THSD7A: variants seen among roughly 807,000 people sequenced by gnomAD.
THSD7A encodes thrombospondin type-1 domain-containing protein 7A.
A neutral mutation model predicts 231.3 loss-of-function variants in THSD7A; 96 were observed. The observed-to-expected ratio is 0.41, with a 90% CI of 0.35 to 0.49. The LOEUF (loss-of-function observed/expected upper bound fraction) is 0.49, where lower values mean the gene tolerates loss of function less well. Among genes scored for constraint, THSD7A ranks in the 20% least tolerant of loss-of-function variants. The probability of loss-of-function intolerance (pLI) is 0.05; values close to 1 mark genes in which losing one functional copy is unlikely to be tolerated. For synonymous variants in THSD7A, 940 were observed against 743.3 expected (o/e 1.26, Z -4.30); for missense variants, 2,290 against 2,070.2 (o/e 1.11, Z -2.06).
intron 4 of THSD7A, among the ~76,000 whole-genome samples, chr7:11,587,732 T>C (rs1006864001): frequency 1.6e-4 from 24 of 152,314 alleles, no homozygotes; most frequent in African/African-American, 5.8e-4. Context: ...AATATACCAA[T>C]GAGTAAAAAA....
At chr7:11,426,811 T>A in intron 14 of THSD7A, 140 bp from the exon 15 acceptor site, 1 of 807,454 alleles carries the variant, frequency 1.2e-6, no homozygotes, top group Non-Finnish European at 1.8e-6. Context: ...GGTAAAATAT[T>A]AGAACATTTT....
intron 1 of THSD7A, among the ~76,000 whole-genome samples, chr7:11,690,093 T>C (rs1780187938): frequency 6.6e-6 from 1 of 151,908 alleles, no homozygotes; most frequent in South Asian, 2.1e-4. Flanking sequence ...GCTAAGTATA[T>C]TTTTATCCAT....
Position 11,703,862 on chromosome 7 carries a change from C to T in THSD7A, c.191-66901G>A, listed in dbSNP as rs770235263. 2.6e-4 allele frequency among the ~76,000 whole-genome samples: 39 copies of T among 151,060 alleles called. 1 individual carries two copies. Among genetic ancestry groups the T allele is most frequent in the Admixed American group, 5.3e-4 (8 of 15,118 alleles). ...GAGCAAAGCTAGAAGATCAGAGAAG[C>T]TTCAGTTAAAGACATCCCCTCTATC... On this transcript the variant is annotated intron_variant, in intron 1 of 27. Transcript: ENST00000423059.
At chr7:11,569,435 A>T (rs1471585933) in intron 4 of THSD7A, among the ~76,000 whole-genome samples, 2 of 152,214 alleles carry the variant, frequency 1.3e-5, no homozygotes, top group Non-Finnish European at 2.9e-5. Context: ...AATGCTTGAC[A>T]TCACTACTCA....
chr7:11,767,223 C>A (rs913536145), intron 1 of THSD7A, among the ~76,000 whole-genome samples: 15 of 152,100 alleles, frequency 9.9e-5, no homozygotes, highest in Non-Finnish European at 1.3e-4. Context: ...AATATCAGAA[C>A]ATATTATTCC....
rs1781702352 is a variant in THSD7A at position 11,632,817 on chromosome 7, T to G, written c.1022+3313A>C. On this transcript the variant is annotated intron_variant, in intron 2 of 27. Transcript: ENST00000423059. This position sits in a 1 kb window ranked among gnomAD's most constrained non-coding sequence, Gnocchi z 4.1. ...GAATATTAGTCTTGTACAATTTCGA[T>G]GTGTGAATCAAGGTCTTCTTTTAAT... Among the ~76,000 whole-genome samples the G allele has an allele frequency of 6.6e-6, 1 of 152,200 alleles. No individual in the cohort carries two copies. Among genetic ancestry groups the G allele is most frequent in the Non-Finnish European group, 1.5e-5 (1 of 68,028 alleles).
chr7:11,766,159 C>T (rs1024057211), intron 1 of THSD7A, among the ~76,000 whole-genome samples: 4 of 152,086 alleles, frequency 2.6e-5, no homozygotes, highest in African/African-American at 4.8e-5. Flanking sequence ...CCTGGTGAAC[C>T]TTTTCAAGAT....
chr7:11,405,070 C>A (rs1262549702), intron 22 of THSD7A, among the ~76,000 whole-genome samples: 2 of 151,774 alleles, frequency 1.3e-5, no homozygotes, highest in East Asian at 3.9e-4. Context: ...CAAAATAACC[C>A]CTATCAGGGT....
chr7:11,774,918 G>C (rs945151935), intron 1 of THSD7A, among the ~76,000 whole-genome samples: 1 of 152,154 alleles, frequency 6.6e-6, no homozygotes, highest in African/African-American at 2.4e-5. Flanking sequence ...AGCTGTGCGT[G>C]GTGGCATGTG....
chr7:11,393,409 C>A (rs56008454), intron 23 of THSD7A, among the ~76,000 whole-genome samples: 2,532 of 152,286 alleles, frequency 0.017, 32 homozygotes, highest in South Asian at 0.045. Flanking sequence ...CGAGGAAAAA[C>A]CAGCACAAAA....
intron 1 of THSD7A, among the ~76,000 whole-genome samples, chr7:11,790,325 T>C (rs1057215194): frequency 7.2e-5 from 11 of 151,954 alleles, no homozygotes; most frequent in Non-Finnish European, 1.5e-4. Flanking sequence ...TATACTCTAT[T>C]TTGCAACATT....
chr7:11,395,014 C>G (rs796995370), intron 23 of THSD7A, among the ~76,000 whole-genome samples: 29 of 152,218 alleles, frequency 1.9e-4, no homozygotes, highest in African/African-American at 6.7e-4. Flanking sequence ...TTAAAAGACA[C>G]AGACTGGCAA....
At chr7:11,386,535 T>A (rs934138018) in intron 23 of THSD7A, among the ~76,000 whole-genome samples, 1 of 152,254 alleles carries the variant, frequency 6.6e-6, no homozygotes, top group African/African-American at 2.4e-5. Flanking sequence ...CTCATTCATA[T>A]TCTTTGCTCA....
intron 4 of THSD7A, among the ~76,000 whole-genome samples, chr7:11,567,893 T>C (rs1790432265): frequency 6.6e-6 from 1 of 152,196 alleles, no homozygotes; most frequent in Non-Finnish European, 1.5e-5. Flanking sequence ...TTAAAAAATG[T>C]TCTCCTTATA....
intron 18 of THSD7A, among the ~76,000 whole-genome samples, chr7:11,412,022 T>C (rs1049719158): frequency 6.6e-6 from 1 of 152,148 alleles, no homozygotes; most frequent in East Asian, 1.9e-4. Flanking sequence ...TGAAAATTAC[T>C]TGGGAAAAAT....
chr7:11,444,574 G>A lies in THSD7A; in HGVS notation c.3064+1487C>T, dbSNP rs775673380. 7.2e-5 allele frequency among the ~76,000 whole-genome samples: 11 copies of A among 151,958 alleles called. No individual in the cohort carries two copies. The highest frequency in any genetic ancestry group is 1.9e-4 in the East Asian group (1 of 5,174). Reference sequence around the variant, plus strand: ...CAATAAGAACACATGGGCACAGGGAGGGGAACATCACACACCGGGGTCTGT... The same window carrying A: ...CAATAAGAACACATGGGCACAGGGAAGGGAACATCACACACCGGGGTCTGT... On this transcript the variant is annotated intron_variant, in intron 13 of 27. Coordinates refer to ENST00000423059, the MANE Select transcript of THSD7A (RefSeq NM_015204.3). The surrounding 1 kb of genome is among the most constrained non-coding windows in gnomAD (Gnocchi z 4.2).
At position 11,382,572 on chromosome 7, in the gene THSD7A, C is replaced by G. The variant is rs767049106; in HGVS notation, c.4456G>C (p.Gly1486Arg). The G allele has an allele frequency of 1.9e-6, 3 of 1,612,920 alleles. No individual in the cohort carries two copies. In the East Asian group the frequency reaches 6.7e-5, roughly 36 times the overall value. ...TGACACCACACTGTTCGGGAAGAGC[C>G]CTTCCAAGCACTGGCCATCCATTTA... ...EYKWMASAWK[G>R]SSRTVWCQRS... Residue 1486 changes from glycine (G) to arginine (R), a missense_variant, in exon 24 of 28, where the codon GGC (glycine) becomes CGC (arginine). Coordinates refer to ENST00000423059, the MANE Select transcript of THSD7A (RefSeq NM_015204.3).
chr7:11,614,201 C>G (rs539773786), intron 2 of THSD7A, among the ~76,000 whole-genome samples: 109 of 152,250 alleles, frequency 7.2e-4, no homozygotes, highest in African/African-American at 2.6e-3. Flanking sequence ...TAATAATCCA[C>G]TGGAAAATTC....
chr7:11,525,054 A>C (rs547402152), intron 6 of THSD7A, among the ~76,000 whole-genome samples: 2 of 152,342 alleles, frequency 1.3e-5, no homozygotes, highest in African/African-American at 4.8e-5. Context: ...TTCACATTTA[A>C]TATTAACCTT....
Sources: allele counts gnomAD v4.1 joint callset (sites outside exome capture counted in the v4.1 genomes callset), GRCh38; gene constraint gnomAD v4.1.1; non-coding constraint Gnocchi (gnomAD v3.1); transcripts MANE v1.5; gene names NCBI Gene and HGNC (gene_info 2026-07-23, HGNC 2026-07-21).